TMC7: variants seen among roughly 807,000 people sequenced by gnomAD.
The protein encoded by TMC7 is transmembrane channel like 7.
Under a neutral mutation model 82.9 loss-of-function variants are expected in TMC7, and 54 were observed. That is an observed-to-expected ratio of 0.65 (90% CI 0.52 to 0.82). TMC7 has a LOEUF of 0.82. Ranked by LOEUF, TMC7 falls within the 40% of genes least tolerant of loss-of-function variation. The pLI, the probability that TMC7 is intolerant of heterozygous loss-of-function variation, is 0.00. For synonymous variants in TMC7, 350 were observed against 337.9 expected, an observed-to-expected ratio of 1.04 and a Z score of -0.39; for missense variants, 820 against 901.2, an observed-to-expected ratio of 0.91 and a Z score of 1.15.
Position 19,027,500 on chromosome 16 carries a change from G to A in TMC7, c.712-2724G>A, listed in dbSNP as rs145312342. 3.7e-3 allele frequency among the ~76,000 whole-genome samples: 563 copies of A among 152,162 alleles called. 3 individuals carry two copies. Among genetic ancestry groups the A allele is most frequent in the African/African-American group, 0.012 (483 of 41,524 alleles). Reference sequence around the variant, plus strand: ...AGAGGGCCAGAGAGATCAAACAGGGGCTTGTTTTTCTTAAAAACAATTGAA... The same window carrying A: ...AGAGGGCCAGAGAGATCAAACAGGGACTTGTTTTTCTTAAAAACAATTGAA... On this transcript the variant is annotated intron_variant, in intron 5 of 15. Coordinates refer to ENST00000304381, the MANE Select transcript of TMC7 (RefSeq NM_024847.4).
chr16:19,004,290 G>A (rs1250149557), intron 1 of TMC7, among the ~76,000 whole-genome samples: 2 of 152,046 alleles, frequency 1.3e-5, no homozygotes, highest in Non-Finnish European at 2.9e-5. Context: ...TCCTAGGAGG[G>A]GGTAGGTGGT....
At chr16:18,992,751 A>G (rs1260563552) in intron 1 of TMC7, among the ~76,000 whole-genome samples, 15 of 152,202 alleles carry the variant, frequency 9.9e-5, no homozygotes, top group Non-Finnish European at 1.8e-4. Context: ...TAAGTCTTTA[A>G]TCCATCTTGA....
chr16:19,053,344 G>A (rs1171456950), intron 13 of TMC7, among the ~76,000 whole-genome samples: 1 of 130,488 alleles, frequency 7.7e-6, no homozygotes, highest in African/African-American at 2.8e-5. Flanking sequence ...GTTTTATATT[G>A]TATCCTTTCC....
chr16:19,038,314 G>C (rs1960851811), intron 8 of TMC7, among the ~76,000 whole-genome samples: 1 of 152,090 alleles, frequency 6.6e-6, no homozygotes, highest in Non-Finnish European at 1.5e-5. Context: ...TCCTGCCTCA[G>C]CCTCCCGAGT....
chr16:19,053,088 A>G (rs1232170825), intron 13 of TMC7, among the ~76,000 whole-genome samples: 1 of 152,204 alleles, frequency 6.6e-6, no homozygotes, highest in Admixed American at 6.5e-5. Context: ...TATACATTAT[A>G]TAAAAAATTC....
chr16:19,054,441 C>T (rs1309983483), intron 13 of TMC7, among the ~76,000 whole-genome samples: 7 of 151,964 alleles, frequency 4.6e-5, no homozygotes, highest in Non-Finnish European at 7.4e-5. Context: ...GTAGGCTGGG[C>T]GCGGTGGCTC....
intron 1 of TMC7, among the ~76,000 whole-genome samples, chr16:19,001,073 C>CAT (rs2039133179): frequency 6.6e-6 from 1 of 152,160 alleles, no homozygotes; most frequent in African/African-American, 2.4e-5. Flanking sequence ...ATACATCATT[C>CAT]ATATAGAGAA....
At chr16:18,984,399 C>T in intron 1 of TMC7, 1 of 1,258,076 alleles carries the variant, frequency 7.9e-7, no homozygotes, top group Non-Finnish European at 1.0e-6. Flanking sequence ...TGTCTTCCAG[C>T]TGTTGACCGA....
chr16:19,040,524 C>T, intron 9 of TMC7, 78 bp downstream of exon 9: 2 of 1,356,738 alleles, frequency 1.5e-6, no homozygotes, highest in Non-Finnish European at 1.0e-6. Flanking sequence ...GCAGACATCG[C>T]TAATCAATTG....
intron 1 of TMC7, among the ~76,000 whole-genome samples, chr16:18,991,746 G>T (rs550831244): frequency 1.3e-5 from 2 of 151,568 alleles, no homozygotes; most frequent in African/African-American, 4.9e-5. Context: ...TCCCCGCACC[G>T]CACAAGAGGC....
At chr16:19,056,376 G>A (rs993896598) in intron 13 of TMC7, among the ~76,000 whole-genome samples, 166 bp from the exon 14 acceptor site, 8 of 152,054 alleles carry the variant, frequency 5.3e-5, no homozygotes, top group African/African-American at 1.9e-4. Flanking sequence ...GTGAGCCACC[G>A]CGCCCAGCCA....
chr16:19,021,005 G>C (rs1457867539), intron 3 of TMC7, among the ~76,000 whole-genome samples: 1 of 152,050 alleles, frequency 6.6e-6, no homozygotes, highest in Non-Finnish European at 1.5e-5. Flanking sequence ...CATGTTGATG[G>C]ATCAGAAGAC....
At chr16:19,023,921 A>T (rs550678270) in intron 5 of TMC7, among the ~76,000 whole-genome samples, 1 of 152,336 alleles carries the variant, frequency 6.6e-6, no homozygotes, top group South Asian at 2.1e-4. Context: ...TCTTTCCAGA[A>T]ATTACACACA....
intron 9 of TMC7, among the ~76,000 whole-genome samples, chr16:19,041,533 T>A (rs1252062991): frequency 1.3e-5 from 2 of 152,052 alleles, no homozygotes; most frequent in Non-Finnish European, 2.9e-5. Flanking sequence ...GCCTGGCTAA[T>A]TTTTTAAAAT....
chr16:19,004,250 T>C (rs1256164410), intron 1 of TMC7, among the ~76,000 whole-genome samples: 2 of 151,954 alleles, frequency 1.3e-5, no homozygotes, highest in African/African-American at 4.8e-5. Flanking sequence ...TTCCCTGGAG[T>C]GTCTAAAGAG....
chr16:19,058,509 C>T (rs934254642), intron 14 of TMC7, among the ~76,000 whole-genome samples: 6 of 152,206 alleles, frequency 3.9e-5, no homozygotes, highest in Non-Finnish European at 7.3e-5. Flanking sequence ...TGATCATCCA[C>T]GTGTTAATTA....
rs377265197 is a variant in TMC7, at chr16:19,047,158, G to C, written c.1649G>C (p.Gly550Ala). The change falls in exon 12 of 16, where the codon GGG becomes GCG. Residue 550 changes from glycine (G) to alanine (A), a missense_variant. Physicochemically the swap from Gly to Ala is moderately conservative, Grantham distance 60 (BLOSUM62 0). Transcript: ENST00000304381. ...GATAACGTCCTGGGGATAGTTTACG[G>C]GCAAACCATCTGCTGGATCGGAGCC... ...IPDNVLGIVY[G>A]QTICWIGAFF... 6.2e-7 allele frequency: 1 copy of C among 1,613,976 alleles called. No homozygotes were observed. The highest frequency in any genetic ancestry group is 8.5e-7 in the Non-Finnish European group (1 of 1,180,022).
chr16:18,991,143 T>C (rs1403503062), intron 1 of TMC7, among the ~76,000 whole-genome samples: 1 of 152,076 alleles, frequency 6.6e-6, no homozygotes, highest in East Asian at 1.9e-4. Context: ...GTGGGAGAGA[T>C]TCAGCTGAAG....
In TMC7 at chr16:19,047,080, G is replaced by T; in HGVS notation, c.1571G>T (p.Cys524Phe). ...DFPRKLLVTY[C>F]SSCKLIQCWG... ...GTTTCCAGGCTCCTGGTGACCTACT[G>T]TTCCTCTTGCAAGCTGATTCAGTGC... The change falls in exon 12 of 16, where the codon TGT becomes TTT. Residue 524 changes from cysteine (C) to phenylalanine (F), a missense_variant. Cys to Phe is a radical substitution (Grantham distance 205). Coordinates refer to ENST00000304381, the MANE Select transcript of TMC7 (RefSeq NM_024847.4). The T allele has an allele frequency of 6.2e-7, 1 of 1,611,256 alleles. No individual in the cohort carries two copies. Among genetic ancestry groups the T allele is most frequent in the Non-Finnish European group, 8.5e-7 (1 of 1,178,916 alleles).
Sources: allele counts gnomAD v4.1 joint callset (sites outside exome capture counted in the v4.1 genomes callset), GRCh38; gene constraint gnomAD v4.1.1; transcripts MANE v1.5; gene names NCBI Gene and HGNC (gene_info 2026-07-23, HGNC 2026-07-21).